Variants in LGSN observed in about 807,000 individuals in gnomAD.
The protein encoded by LGSN is lengsin, lens protein with glutamine synthetase domain, also known as lengsin.
LGSN carries 21 observed loss-of-function variants against 19.5 expected under a neutral mutation model. That is an observed-to-expected ratio of 1.07 (90% CI 0.76 to 1.55). The LOEUF (loss-of-function observed/expected upper bound fraction) is 1.55, where lower values mean the gene tolerates loss of function less well. Among genes scored for constraint, LGSN ranks in the 40% most tolerant of loss-of-function variants. LGSN has a pLI of 0.00. For missense variants in LGSN, 673 were observed against 608.5 expected (o/e 1.11, Z -1.12); for synonymous variants, 257 against 215.6 (o/e 1.19, Z -1.68).
chr6:63,533,832 TTTAATTAATTAA>T, the LGSN span, among the ~76,000 whole-genome samples: 3 of 149,768 alleles, frequency 2.0e-5, no homozygotes, highest in African/African-American at 7.4e-5. Flanking sequence ...AACAAACTTT[TTTAATTAATTAA>T]TTAATTAATT....
intron 1 of LGSN, among the ~76,000 whole-genome samples, chr6:63,295,587 G>A (rs563351501): frequency 2.6e-5 from 4 of 152,098 alleles, no homozygotes; most frequent in Non-Finnish European, 5.9e-5. Flanking sequence ...GTGCTATTTT[G>A]TGACTGTATT....
the LGSN span, among the ~76,000 whole-genome samples, chr6:63,345,600 G>T: frequency 2.9e-3 from 447 of 152,196 alleles, 3 homozygotes; most frequent in African/African-American, 0.01. Context: ...CCAAGATAAC[G>T]ATAGGTAGCA....
the LGSN span, among the ~76,000 whole-genome samples, chr6:63,428,093 A>C: frequency 6.6e-6 from 1 of 152,190 alleles, no homozygotes; most frequent in Non-Finnish European, 1.5e-5. Context: ...CCTCATGCTG[A>C]GAGCAACATT....
chr6:63,414,641 T>A, the LGSN span, among the ~76,000 whole-genome samples: 2 of 152,324 alleles, frequency 1.3e-5, no homozygotes, highest in Non-Finnish European at 2.9e-5. Context: ...AAATAGAAAA[T>A]GTGCTGGGCG....
rs1162824559 is a variant in LGSN, at chr6:63,280,262, C to A, written c.1289G>T (p.Gly430Val). 6.2e-7 allele frequency: 1 copy of A among 1,614,248 alleles called. No homozygotes were observed. The highest frequency in any genetic ancestry group is 1.1e-5 in the South Asian group (1 of 91,080). The change falls in exon 4 of 4, where the codon GGA becomes GTA. Residue 430 changes from glycine to valine, a missense_variant. Transcript: ENST00000370657. ...LAATVAAGLDGLHSSNEVLAG... is the reference protein window; with the variant it reads ...LAATVAAGLDVLHSSNEVLAG... ...CAAGACCTCATTACTGCTATGAAGT[C>A]CATCTAAGCCGGCAGCAACAGTTGC...
At chr6:63,495,782 T>C in the LGSN span, among the ~76,000 whole-genome samples, 2 of 151,658 alleles carry the variant, frequency 1.3e-5, no homozygotes, top group African/African-American at 4.8e-5. Flanking sequence ...AGGGGATTAG[T>C]ATAAGGATCA....
chr6:63,505,565 A>AAAAAAGAAAGAAAGAG, the LGSN span, among the ~76,000 whole-genome samples: 3 of 58,648 alleles, frequency 5.1e-5, no homozygotes, highest in South Asian at 6.7e-4. Flanking sequence ...AAAAAAAAAA[A>AAAAAAGAAAGAAAGAG]AAAGAAAGAA....
At chr6:63,407,037 A>G in the LGSN span, among the ~76,000 whole-genome samples, 1 of 152,128 alleles carries the variant, frequency 6.6e-6, no homozygotes, top group Non-Finnish European at 1.5e-5. Flanking sequence ...GCAATAATCA[A>G]TAGCTTACCA....
chr6:63,407,875 T>C, the LGSN span, among the ~76,000 whole-genome samples: 2 of 152,196 alleles, frequency 1.3e-5, no homozygotes, highest in African/African-American at 4.8e-5. Context: ...AGCATTCTTA[T>C]ACACCAATAA....
chr6:63,337,908 T>C, the LGSN span, among the ~76,000 whole-genome samples: 7 of 152,084 alleles, frequency 4.6e-5, no homozygotes, highest in Middle Eastern at 3.2e-3. Context: ...TCTTTTGAGA[T>C]GGAGTCTTGC....
chr6:63,418,884 AC>A, the LGSN span, among the ~76,000 whole-genome samples: 172 of 151,954 alleles, frequency 1.1e-3, no homozygotes, highest in Non-Finnish European at 2.0e-3. Context: ...CCCCACCCCC[AC>A]CGTGCCAGCA....
At chr6:63,359,896 G>A in the LGSN span, among the ~76,000 whole-genome samples, 1 of 152,054 alleles carries the variant, frequency 6.6e-6, no homozygotes, top group Non-Finnish European at 1.5e-5. Flanking sequence ...CGTCTGTAAA[G>A]TATTTTATTT....
the LGSN span, among the ~76,000 whole-genome samples, chr6:63,535,824 C>T: frequency 6.6e-6 from 1 of 152,118 alleles, no homozygotes; most frequent in Admixed American, 6.6e-5. Flanking sequence ...ATGTTAAGTC[C>T]AGCACTTTTT....
intron 1 of LGSN, among the ~76,000 whole-genome samples, chr6:63,300,777 G>A: frequency 6.6e-6 from 1 of 152,088 alleles, no homozygotes; most frequent in Non-Finnish European, 1.5e-5. Context: ...ATAAATTTAT[G>A]CCTTAGCATC....
intron 1 of LGSN, among the ~76,000 whole-genome samples, chr6:63,307,829 C>T (rs186218810): frequency 2.6e-5 from 4 of 152,136 alleles, no homozygotes; most frequent in African/African-American, 7.2e-5. Context: ...GGCACTATTC[C>T]CTTATCTAAG....
chr6:63,497,380 C>A, the LGSN span, among the ~76,000 whole-genome samples: 1 of 152,060 alleles, frequency 6.6e-6, no homozygotes, highest in South Asian at 2.1e-4. Flanking sequence ...GAAAGCCCGT[C>A]TCTACTAACA....
At chr6:63,472,032 C>T in the LGSN span, among the ~76,000 whole-genome samples, 1 of 152,188 alleles carries the variant, frequency 6.6e-6, no homozygotes, top group Non-Finnish European at 1.5e-5. Context: ...CTAATCCTCA[C>T]CCTAACTTTA....
At chr6:63,436,445 C>G in the LGSN span, among the ~76,000 whole-genome samples, 1 of 152,136 alleles carries the variant, frequency 6.6e-6, no homozygotes, top group Non-Finnish European at 1.5e-5. Flanking sequence ...TGGTTATTAA[C>G]AAGACATTAC....
rs1281040027 is a variant in LGSN, at chr6:63,295,052, ATAAT to A, written c.31-11_31-8del. 3 of 1,611,514 alleles carry A rather than the reference ATAAT, an allele frequency of 1.9e-6. No homozygotes were observed. ...CTTCATCTCTTGTTGAGTCCTGTTGATAATTAATAAACAAAAAGCCAAATAACAG... is the reference window on the plus strand; with the variant it reads ...CTTCATCTCTTGTTGAGTCCTGTTGATAATAAACAAAAAGCCAAATAACAG... On this transcript the variant is annotated splice_region_variant and splice_polypyrimidine_tract_variant and intron_variant, in intron 1 of 3. Coordinates refer to ENST00000370657, the MANE Select transcript of LGSN (RefSeq NM_016571.3).
Sources: gnomAD v4.1 joint callset for allele counts (sites outside exome capture counted in the v4.1 genomes callset) on GRCh38, gnomAD v4.1.1 for gene constraint, MANE v1.5 for transcripts, NCBI Gene and HGNC (gene_info 2026-07-23, HGNC 2026-07-21) for gene names.